Variants in SAR1B observed in about 807,000 individuals in gnomAD.
SAR1B encodes the protein small COPII coat GTPase SAR1B.
Under a neutral mutation model 26.8 loss-of-function variants are expected in SAR1B, and 23 were observed. The ratio of observed to expected loss-of-function variants is 0.86; its 90% CI spans 0.62 to 1.22. The LOEUF (loss-of-function observed/expected upper bound fraction) is 1.22, where lower values mean the gene tolerates loss of function less well. Ranked by LOEUF, SAR1B falls within the 50% of genes most tolerant of loss-of-function variation. The probability of loss-of-function intolerance (pLI) is 0.00; values close to 1 mark genes in which losing one functional copy is unlikely to be tolerated. For synonymous variants in SAR1B, 65 were observed against 80.8 expected (o/e 0.80, Z 1.05); for missense variants, 196 against 232.8 (o/e 0.84, Z 1.03).
At chr5:134,630,901 T>C (rs1255732266) in intron 1 of SAR1B, among the ~76,000 whole-genome samples, 5 of 142,014 alleles carry the variant, frequency 3.5e-5, no homozygotes, top group Non-Finnish European at 7.7e-5. Flanking sequence ...TTTTTTTTTT[T>C]TTTTTTTTTT....
intron 3 of SAR1B, among the ~76,000 whole-genome samples, chr5:134,617,106 C>T (rs1357875059): frequency 6.6e-6 from 1 of 152,010 alleles, no homozygotes; most frequent in Non-Finnish European, 1.5e-5. Context: ...GTAGCATGTG[C>T]CTGTAGTTCG....
At chr5:134,616,705 G>A (rs970563173) in intron 3 of SAR1B, among the ~76,000 whole-genome samples, 18 of 152,142 alleles carry the variant, frequency 1.2e-4, no homozygotes, top group Non-Finnish European at 2.9e-5. Context: ...ATCTCCGGAA[G>A]CAACCACTGA....
rs1450613770 is a variant in SAR1B at position 134,601,725 on chromosome 5, T to C, written c.*5225A>G. The C allele has an allele frequency of 6.6e-6, 1 of 152,158 alleles. No homozygotes were observed. The highest frequency in any genetic ancestry group is 1.5e-5 in the Non-Finnish European group (1 of 68,028). 9.4% of individuals were successfully genotyped at this position (152,158 alleles called of 1,614,324 possible). A position where few individuals can be genotyped will look rare whatever the true frequency, so the allele number is the denominator to read the frequency against. ...ACTGTTCCTGCCTTTCACCCCAAAA[T>C]ATTTAAAACTAAATCTAAGCCACTT... On this transcript the variant is annotated 3_prime_UTR_variant, in exon 7 of 7. Coordinates refer to ENST00000402673, the MANE Select transcript of SAR1B (RefSeq NM_016103.4).
intron 1 of SAR1B, 59 bp from the exon 2 acceptor site, chr5:134,624,096 C>T: frequency 1.1e-6 from 1 of 931,328 alleles, no homozygotes. Context: ...ACATTAAACT[C>T]CAATACTGTT....
At chr5:134,607,548 G>A (rs1251216389) in intron 6 of SAR1B, among the ~76,000 whole-genome samples, 2 of 151,820 alleles carry the variant, frequency 1.3e-5, no homozygotes, top group Admixed American at 6.6e-5. Flanking sequence ...CAAGGCGGGC[G>A]GATCACCTGA....
intron 1 of SAR1B, among the ~76,000 whole-genome samples, chr5:134,627,768 C>T (rs1225057498): frequency 1.3e-5 from 2 of 150,778 alleles, no homozygotes; most frequent in Non-Finnish European, 2.9e-5. Context: ...CACTGCACTC[C>T]AGCCTGGGCG....
intron 1 of SAR1B, among the ~76,000 whole-genome samples, chr5:134,632,446 G>A (rs1457860630): frequency 6.6e-6 from 1 of 152,148 alleles, no homozygotes; most frequent in African/African-American, 2.4e-5. Flanking sequence ...TGAGGCCCAG[G>A]GGAAGGAAGG....
At chr5:134,622,929 T>TCC (rs1220318567) in intron 2 of SAR1B, among the ~76,000 whole-genome samples, 15 of 145,460 alleles carry the variant, frequency 1.0e-4, no homozygotes, top group African/African-American at 3.8e-4. Context: ...CGAGACCAGA[T>TCC]TGGCCAACAC....
chr5:134,619,923 G>A, intron 3 of SAR1B, among the ~76,000 whole-genome samples: 1 of 151,716 alleles, frequency 6.6e-6, no homozygotes, highest in Non-Finnish European at 1.5e-5. Flanking sequence ...AGTTTAAATG[G>A]TGCGCTATGA....
At chr5:134,611,878 A>T (rs1356029891) in intron 4 of SAR1B, among the ~76,000 whole-genome samples, 1 of 152,044 alleles carries the variant, frequency 6.6e-6, no homozygotes, top group Non-Finnish European at 1.5e-5. Flanking sequence ...ATAAAAGAAA[A>T]GTAGGCCAGA....
chr5:134,608,511 AAAC>A lies in SAR1B; in HGVS notation c.349-11_349-9del, dbSNP rs1169454578. 1.9e-6 allele frequency: 3 copies of A among 1,610,078 alleles called. No individual in the cohort carries two copies. Among genetic ancestry groups the A allele is most frequent in the East Asian group, 2.2e-5 (1 of 44,840 alleles). On this transcript the variant is annotated splice_polypyrimidine_tract_variant and intron_variant, in intron 5 of 6. Coordinates refer to ENST00000402673, the MANE Select transcript of SAR1B (RefSeq NM_016103.4). ...TTCATCTGTCATTAGTGACTGAAAA[AAAC>A]AAAACAATACAAAACAAGAGTTGAT...
chr5:134,618,018 A>G (rs1452199540), intron 3 of SAR1B, among the ~76,000 whole-genome samples: 1 of 151,988 alleles, frequency 6.6e-6, no homozygotes, highest in Admixed American at 6.6e-5. Context: ...TTCTCCTAAT[A>G]TAAAAAAAAG....
intron 1 of SAR1B, among the ~76,000 whole-genome samples, chr5:134,627,001 C>T (rs766385722): frequency 1.3e-5 from 2 of 151,976 alleles, no homozygotes; most frequent in Non-Finnish European, 2.9e-5. Flanking sequence ...TTTTAAAAAG[C>T]TTATATGGCA....
intron 1 of SAR1B, among the ~76,000 whole-genome samples, chr5:134,627,130 T>C (rs1356378504): frequency 6.6e-6 from 1 of 151,938 alleles, no homozygotes; most frequent in Non-Finnish European, 1.5e-5. Context: ...CCTCTCACTG[T>C]AAGCTCCACC....
chr5:134,609,494 A>T (rs1765179272), intron 5 of SAR1B, 77 bp downstream of exon 5: 2 of 1,158,140 alleles, frequency 1.7e-6, no homozygotes, highest in Non-Finnish European at 2.6e-6. Flanking sequence ...CTGCACTCTG[A>T]TACCTGTATC....
chr5:134,625,064 C>T (rs945171008), intron 1 of SAR1B, among the ~76,000 whole-genome samples: 1 of 152,166 alleles, frequency 6.6e-6, no homozygotes, highest in Non-Finnish European at 1.5e-5. Flanking sequence ...GGAGCTTGGA[C>T]TGACAGCCTA....
At chr5:134,623,888 CTT>C in intron 2 of SAR1B, 72 bp downstream of exon 2, 1 of 1,010,784 alleles carries the variant, frequency 9.9e-7, no homozygotes, top group African/African-American at 1.6e-5. Flanking sequence ...TATAAAGAGA[CTT>C]GACACAGATA....
In SAR1B at chr5:134,621,024, T is replaced by A; in HGVS notation, c.87A>T (p.Val29=). ...LGLYKKTGKL[V]FLGLDNAGKT... is the part of the protein sequence containing the mutation. ...TTCCTGCATTATCCAATCCAAGAAA[T>A]ACCAGTTTACCAGTTTTCTTATATA... The change falls in exon 3 of 7, where the codon GTA becomes GTT. Residue 29 remains valine (V), a synonymous_variant. Transcript: ENST00000402673. 6.2e-7 allele frequency: 1 copy of A among 1,613,142 alleles called. No homozygotes were observed.
rs1765110653 is a variant in SAR1B at position 134,605,527 on chromosome 5, A to G, written c.*1423T>C. Reference sequence around the variant, plus strand: ...AATATCTAAAAACAAAAGTCAGGTCAGGCATGGTAGCTCACGCCTATAATC... The same window carrying G: ...AATATCTAAAAACAAAAGTCAGGTCGGGCATGGTAGCTCACGCCTATAATC... On this transcript the variant is annotated 3_prime_UTR_variant, in exon 7 of 7. Transcript: ENST00000402673. The G allele has an allele frequency of 6.6e-6, 1 of 152,084 alleles. No individual in the cohort carries two copies. Among genetic ancestry groups the G allele is most frequent in the Non-Finnish European group, 1.5e-5 (1 of 68,010 alleles). The allele number at this position is 152,084 out of a possible 1,614,324, so 9.4% of individuals were successfully genotyped here. A position where few individuals can be genotyped will look rare whatever the true frequency, so the allele number is the denominator to read the frequency against.
Sources: allele counts gnomAD v4.1 joint callset (sites outside exome capture counted in the v4.1 genomes callset), GRCh38; gene constraint gnomAD v4.1.1; transcripts MANE v1.5; gene names NCBI Gene and HGNC (gene_info 2026-07-23, HGNC 2026-07-21).